Variants in ZNF804B observed in about 807,000 individuals in gnomAD.
ZNF804B encodes zinc finger 804B.
ZNF804B carries 80 observed loss-of-function variants against 101.4 expected under a neutral mutation model. The observed-to-expected ratio is 0.79, with a 90% CI of 0.66 to 0.95. The LOEUF is 0.95. Ranked by LOEUF, ZNF804B falls within the 40% of genes least tolerant of loss-of-function variation. The pLI, the probability that ZNF804B is intolerant of heterozygous loss-of-function variation, is 0.00. For synonymous variants in ZNF804B, 622 were observed against 558.8 expected (o/e 1.11, Z -1.59); for missense variants, 1,673 against 1,561.9 (o/e 1.07, Z -1.20).
intron 1 of ZNF804B, among the ~76,000 whole-genome samples, chr7:89,016,753 G>A (rs1459987336): frequency 6.6e-6 from 1 of 152,142 alleles, no homozygotes; most frequent in Admixed American, 6.6e-5. Flanking sequence ...TTGTAGTATA[G>A]TTTGAAGTCA....
intron 2 of ZNF804B, among the ~76,000 whole-genome samples, chr7:89,243,371 A>G (rs1789397691): frequency 6.6e-6 from 1 of 151,852 alleles, no homozygotes; most frequent in African/African-American, 2.4e-5. Flanking sequence ...TACATATTAT[A>G]AAATTATAGT....
chr7:88,797,860 G>A (rs573765122), intron 1 of ZNF804B, among the ~76,000 whole-genome samples: 2 of 152,114 alleles, frequency 1.3e-5, no homozygotes, highest in Admixed American at 6.6e-5. Context: ...ATAAAGAATT[G>A]CCACAGCAAA....
At chr7:89,244,275 T>A (rs560880530) in intron 2 of ZNF804B, among the ~76,000 whole-genome samples, 1 of 152,228 alleles carries the variant, frequency 6.6e-6, no homozygotes, top group South Asian at 2.1e-4. Flanking sequence ...AAGAATTCAA[T>A]GTGAACCACT....
At chr7:89,138,666 T>A (rs957566909) in intron 1 of ZNF804B, among the ~76,000 whole-genome samples, 1 of 151,988 alleles carries the variant, frequency 6.6e-6, no homozygotes, top group African/African-American at 2.4e-5. Flanking sequence ...CCAAATCTCA[T>A]CTCCAGTTCC....
At chr7:89,292,745 T>C (rs1790316738) in intron 2 of ZNF804B, among the ~76,000 whole-genome samples, 1 of 151,958 alleles carries the variant, frequency 6.6e-6, no homozygotes, top group African/African-American at 2.4e-5. Context: ...ATTCTACAAA[T>C]TGTTAAAATT....
At chr7:89,144,678 C>T (rs547955718) in intron 1 of ZNF804B, among the ~76,000 whole-genome samples, 2 of 151,716 alleles carry the variant, frequency 1.3e-5, no homozygotes, top group East Asian at 3.9e-4. Flanking sequence ...TTCAAAATTG[C>T]TAACATAATA....
At chr7:89,283,376 C>T (rs754241239) in intron 2 of ZNF804B, among the ~76,000 whole-genome samples, 4 of 152,102 alleles carry the variant, frequency 2.6e-5, no homozygotes, top group South Asian at 2.1e-4. Flanking sequence ...TGGTATCACA[C>T]GTATGCTTGC....
intron 2 of ZNF804B, among the ~76,000 whole-genome samples, chr7:89,271,960 G>A (rs988495227): frequency 1.3e-5 from 2 of 151,976 alleles, no homozygotes; most frequent in African/African-American, 4.8e-5. Flanking sequence ...GAAAAAATTT[G>A]TCTTTTAGGA....
At position 88,988,272 on chromosome 7, in the gene ZNF804B, T is replaced by C. The variant is rs559219991; in HGVS notation, c.108+228188T>C. ...AAGTGTGGATTCACATACAAATAAA[T>C]GAAGTATGTAGTAAAAAAAGTCACT... On this transcript the variant is annotated intron_variant, in intron 1 of 3. Transcript: ENST00000333190. 4.6e-5 allele frequency among the ~76,000 whole-genome samples: 7 copies of C among 151,740 alleles called. No homozygotes were observed. In the South Asian group the frequency reaches 8.3e-4, roughly 18 times the overall value.
At chr7:88,774,433 A>G (rs1480800988) in intron 1 of ZNF804B, among the ~76,000 whole-genome samples, 17 of 152,102 alleles carry the variant, frequency 1.1e-4, no homozygotes. Context: ...TGTGAGGTCC[A>G]GAGTACCTCT....
intron 1 of ZNF804B, among the ~76,000 whole-genome samples, chr7:89,035,372 G>A (rs1788909784): frequency 6.6e-6 from 1 of 151,994 alleles, no homozygotes; most frequent in Admixed American, 6.6e-5. Flanking sequence ...TCCCCAGGGT[G>A]TAATTCTGAT....
chr7:89,262,273 T>C (rs1789722398), intron 2 of ZNF804B, among the ~76,000 whole-genome samples: 1 of 152,220 alleles, frequency 6.6e-6, no homozygotes, highest in Admixed American at 6.5e-5. Flanking sequence ...CTTTCGTCAG[T>C]CATGGGAGTT....
At chr7:88,973,847 A>G (rs1338858239) in intron 1 of ZNF804B, among the ~76,000 whole-genome samples, 2 of 151,452 alleles carry the variant, frequency 1.3e-5, no homozygotes, top group African/African-American at 4.8e-5. Context: ...ATCTTGTTGA[A>G]CAAGAATTCG....
In ZNF804B at chr7:88,870,948, A is replaced by G. The variant is rs568018045; in HGVS notation, c.108+110864A>G. Among the ~76,000 whole-genome samples, 15 of 152,260 alleles carry G rather than the reference A, an allele frequency of 9.9e-5. No individual in the cohort carries two copies. The South Asian group carries it at 3.1e-3, about 32-fold the overall frequency. On this transcript the variant is annotated intron_variant, in intron 1 of 3. Coordinates refer to ENST00000333190, the MANE Select transcript of ZNF804B (RefSeq NM_181646.5). ...TAATATGTTTGTCATAAGGAAAGATATTAATTGTGTTAATAAGATTCAGTA... is the reference window on the plus strand; with the variant it reads ...TAATATGTTTGTCATAAGGAAAGATGTTAATTGTGTTAATAAGATTCAGTA...
chr7:89,204,009 A>T (rs958186678), intron 1 of ZNF804B, among the ~76,000 whole-genome samples: 7 of 152,206 alleles, frequency 4.6e-5, no homozygotes, highest in African/African-American at 1.7e-4. Flanking sequence ...TCCCAAGGAA[A>T]GGTGAAGCAG....
At chr7:88,997,658 G>A (rs1329279329) in intron 1 of ZNF804B, among the ~76,000 whole-genome samples, 1 of 152,008 alleles carries the variant, frequency 6.6e-6, no homozygotes, top group Non-Finnish European at 1.5e-5. Flanking sequence ...AAACCTGAAG[G>A]AATCATCTAC....
intron 1 of ZNF804B, among the ~76,000 whole-genome samples, chr7:88,900,201 A>C (rs1792368146): frequency 6.6e-6 from 1 of 152,116 alleles, no homozygotes; most frequent in Admixed American, 6.5e-5. Context: ...TACAGCAATA[A>C]GATTGTGAAT....
chr7:88,850,471 G>A (rs1040256343), intron 1 of ZNF804B, among the ~76,000 whole-genome samples: 3 of 152,072 alleles, frequency 2.0e-5, no homozygotes, highest in East Asian at 1.9e-4. Context: ...TCTGAGACTC[G>A]TGGAAAAAAC....
At chr7:89,246,613 C>A (rs1789451431) in intron 2 of ZNF804B, among the ~76,000 whole-genome samples, 1 of 151,872 alleles carries the variant, frequency 6.6e-6, no homozygotes, top group South Asian at 2.1e-4. Flanking sequence ...AGCACCTGCT[C>A]ACTTGGTTCA....
Sources: allele counts gnomAD v4.1 joint callset (sites outside exome capture counted in the v4.1 genomes callset), GRCh38; gene constraint gnomAD v4.1.1; transcripts MANE v1.5; gene names NCBI Gene and HGNC (gene_info 2026-07-23, HGNC 2026-07-21).